Variants in OSBPL9 observed in about 807,000 individuals in gnomAD.
The protein encoded by OSBPL9 is oxysterol-binding protein-related protein 9.
OSBPL9 carries 40 observed loss-of-function variants against 106.6 expected under a neutral mutation model. That is an observed-to-expected ratio of 0.38 (90% confidence interval 0.29 to 0.49). The LOEUF (loss-of-function observed/expected upper bound fraction) is 0.49. OSBPL9 is among the 20% of genes least tolerant of loss of function. The pLI, the probability that OSBPL9 is intolerant of heterozygous loss-of-function variation, is 0.97. For missense variants in OSBPL9, 609 were observed against 887.2 expected, an observed-to-expected ratio of 0.69 and a Z score of 3.98; for synonymous variants, 269 against 295.4, an observed-to-expected ratio of 0.91 and a Z score of 0.92.
chr1:51,765,666 G>A (rs1232283826), intron 11 of OSBPL9, 156 bp from the exon 12 acceptor site: 80 of 562,956 alleles, frequency 1.4e-4, no homozygotes, highest in Non-Finnish European at 3.0e-5. Flanking sequence ...TTTTCTGTGT[G>A]GAGTTTAAAT....
chr1:51,678,122 G>A (rs901160196), intron 3 of OSBPL9, among the ~76,000 whole-genome samples: 1 of 152,096 alleles, frequency 6.6e-6, no homozygotes, highest in African/African-American at 2.4e-5. Flanking sequence ...GTTTAAGGCT[G>A]CAGTGAGCTA....
At chr1:51,594,559 G>A (rs1167918953) in intron 1 of OSBPL9, among the ~76,000 whole-genome samples, 1 of 152,186 alleles carries the variant, frequency 6.6e-6, no homozygotes, top group Non-Finnish European at 1.5e-5. Flanking sequence ...CATGCCAACT[G>A]TGTGCTCCAA....
chr1:51,561,874 G>T, the OSBPL9 span: 2 of 152,170 alleles, frequency 1.3e-5, no homozygotes, highest in African/African-American at 4.8e-5. Context: ...GTGGCTCTGA[G>T]CTCAGAGGGC....
intron 1 of OSBPL9, among the ~76,000 whole-genome samples, chr1:51,589,603 AC>A (rs776106967): frequency 6.6e-6 from 1 of 152,110 alleles, no homozygotes; most frequent in Non-Finnish European, 1.5e-5. Flanking sequence ...GAAGGAGCAA[AC>A]CATATGAATA....
chr1:51,661,846 A>G lies in OSBPL9; in HGVS notation c.163-7588A>G, dbSNP rs376886484. ...CAGGCAGAGGGAACATGTGCAAAAAATGGTGGTAGGAGAGAAATTGGGGCA... is the reference window on the plus strand; with the variant it reads ...CAGGCAGAGGGAACATGTGCAAAAAGTGGTGGTAGGAGAGAAATTGGGGCA... On this transcript the variant is annotated intron_variant, in intron 2 of 23. Transcript: ENST00000428468. Among the ~76,000 whole-genome samples the G allele has an allele frequency of 3.3e-5, 5 of 152,316 alleles. No homozygotes were observed. In the East Asian group the frequency reaches 9.6e-4, roughly 29 times the overall value.
At chr1:51,630,614 G>A (rs1403939365) in intron 1 of OSBPL9, among the ~76,000 whole-genome samples, 1 of 152,202 alleles carries the variant, frequency 6.6e-6, no homozygotes, top group Admixed American at 6.5e-5. Flanking sequence ...AGTGGTGAGT[G>A]AATGTGAAGG....
intron 9 of OSBPL9, among the ~76,000 whole-genome samples, chr1:51,758,829 A>T (rs779322780): frequency 1.3e-5 from 2 of 152,142 alleles, no homozygotes; most frequent in Non-Finnish European, 2.9e-5. Flanking sequence ...TTTCGAGAAA[A>T]GCGCTGTGTA....
chr1:51,604,915 G>A (rs191424848), intron 2 of OSBPL9, among the ~76,000 whole-genome samples: 1 of 151,982 alleles, frequency 6.6e-6, no homozygotes, highest in Non-Finnish European at 1.5e-5. Flanking sequence ...GCCTCCCAAA[G>A]TGCTGGGATT....
intron 1 of OSBPL9, among the ~76,000 whole-genome samples, chr1:51,641,209 T>C (rs2148674728): frequency 6.6e-6 from 1 of 152,352 alleles, no homozygotes; most frequent in East Asian, 1.9e-4. Context: ...GATTTGAGAT[T>C]ATTATGAGCT....
chr1:51,572,833 C>T (rs1645158588), upstream of OSBPL9, among the ~76,000 whole-genome samples: 1 of 152,230 alleles, frequency 6.6e-6, no homozygotes, highest in African/African-American at 2.4e-5. Context: ...AGAGTTCATT[C>T]TTTTCCATCT....
chr1:51,607,290 T>A (rs569266638), intron 2 of OSBPL9, among the ~76,000 whole-genome samples: 1 of 151,388 alleles, frequency 6.6e-6, no homozygotes, highest in South Asian at 2.1e-4. Flanking sequence ...TCCTCCTGAG[T>A]AGCTGGGATC....
chr1:51,698,218 C>T (rs1223433945), intron 3 of OSBPL9, among the ~76,000 whole-genome samples: 1 of 152,126 alleles, frequency 6.6e-6, no homozygotes, highest in Non-Finnish European at 1.5e-5. Context: ...AGTCAGCCCT[C>T]TTGGCCTTTA....
rs184725978 is a variant in OSBPL9 at position 51,731,738 on chromosome 1, C to T, written c.319-13798C>T. Reference sequence around the variant, plus strand: ...CTTACAGTGAGCCGAGATCGTGCCACTGCACTCCAGCCTGGCGACAGAGCA... The same window carrying T: ...CTTACAGTGAGCCGAGATCGTGCCATTGCACTCCAGCCTGGCGACAGAGCA... On this transcript the variant is annotated intron_variant, in intron 4 of 23. Transcript: ENST00000428468. 4.6e-4 allele frequency among the ~76,000 whole-genome samples: 68 copies of T among 149,034 alleles called. 1 individual carries two copies. In the East Asian group the frequency reaches 7.3e-3, roughly 16 times the overall value.
the OSBPL9 span, among the ~76,000 whole-genome samples, chr1:51,526,570 T>C: frequency 6.6e-6 from 1 of 152,070 alleles, no homozygotes; most frequent in Non-Finnish European, 1.5e-5. Flanking sequence ...GTAATGTTTG[T>C]TTATGTCATT....
chr1:51,683,533 C>T (rs569207531), intron 3 of OSBPL9, among the ~76,000 whole-genome samples: 2 of 151,476 alleles, frequency 1.3e-5, no homozygotes, highest in Admixed American at 6.6e-5. Flanking sequence ...TGGCTCATGC[C>T]TGTAATTCCA....
chr1:51,519,759 A>ATTT, the OSBPL9 span, among the ~76,000 whole-genome samples: 1 of 152,358 alleles, frequency 6.6e-6, no homozygotes, highest in Admixed American at 6.5e-5. Context: ...AACACAAATA[A>ATTT]GTGTCTTACT....
the OSBPL9 span, among the ~76,000 whole-genome samples, chr1:51,527,870 T>C: frequency 6.6e-6 from 1 of 151,468 alleles, no homozygotes; most frequent in South Asian, 2.1e-4. Flanking sequence ...CCCAGCACTT[T>C]GGGAGACCGA....
intron 12 of OSBPL9, among the ~76,000 whole-genome samples, chr1:51,766,259 T>A (rs1177035402): frequency 1.3e-5 from 2 of 152,348 alleles, no homozygotes; most frequent in South Asian, 4.1e-4. Context: ...CCTATAGTAA[T>A]GTGCCAGCGT....
intron 2 of OSBPL9, among the ~76,000 whole-genome samples, chr1:51,659,813 T>A (rs2148727260): frequency 6.6e-6 from 1 of 152,198 alleles, no homozygotes; most frequent in Middle Eastern, 3.4e-3. Context: ...TCAACAAAAT[T>A]AGGCTGTCAA....
Sources: allele counts gnomAD v4.1 joint callset (sites outside exome capture counted in the v4.1 genomes callset), GRCh38; gene constraint gnomAD v4.1.1; transcripts MANE v1.5; gene names NCBI Gene and HGNC (gene_info 2026-07-23, HGNC 2026-07-21).